Variants in WDTC1 observed in about 807,000 individuals in gnomAD.
WDTC1 encodes the protein WD and tetratricopeptide repeats 1, also known as WD and tetratricopeptide repeats protein 1.
A neutral mutation model predicts 76.0 loss-of-function variants in WDTC1; 12 were observed. That is an observed-to-expected ratio of 0.16 (90% CI 0.10 to 0.26). WDTC1 has a LOEUF of 0.26. Ranked by LOEUF, WDTC1 falls within the 10% of genes least tolerant of loss-of-function variation. WDTC1 has a pLI of 1.00. For missense variants in WDTC1, 511 were observed against 908.8 expected (o/e 0.56, Z 5.63); for synonymous variants, 326 against 350.8 (o/e 0.93, Z 0.79).
intron 1 of WDTC1, among the ~76,000 whole-genome samples, chr1:27,256,954 C>T (rs994703293): frequency 2.6e-5 from 4 of 152,180 alleles, no homozygotes; most frequent in African/African-American, 4.8e-5. Context: ...CTCCGTCTCC[C>T]GGATTCACTG....
intron 1 of WDTC1, among the ~76,000 whole-genome samples, chr1:27,245,901 G>A (rs891676500): frequency 6.6e-6 from 1 of 151,696 alleles, no homozygotes; most frequent in Non-Finnish European, 1.5e-5. Context: ...CATGTCCAGA[G>A]GAAAGAGAAT....
At chr1:27,263,079 G>A in intron 2 of WDTC1, 73 bp from the exon 3 acceptor site, 1 of 1,529,832 alleles carries the variant, frequency 6.5e-7, no homozygotes, top group South Asian at 1.1e-5. Flanking sequence ...GAAAGAGCTG[G>A]ATATATAATA....
rs1013329522 is a variant in WDTC1 at position 27,274,151 on chromosome 1, TGTG to T, written c.133-8081_133-8079del. Among the ~76,000 whole-genome samples, 2 of 144,850 alleles carry T rather than the reference TGTG, an allele frequency of 1.4e-5. No homozygotes were observed. The highest frequency in any genetic ancestry group is 3.0e-5 in the Non-Finnish European group (2 of 66,034). On this transcript the variant is annotated intron_variant, in intron 3 of 15. Transcript: ENST00000319394. This position sits in a 1 kb window ranked among gnomAD's most constrained non-coding sequence, Gnocchi z 4.2. ...CAAAAAAATACAAAAATTAACCAGG[TGTG>T]GTGGTGTGTGCTTGTACTCCCAGCT...
Position 27,306,451 on chromosome 1 carries a change from G to T in WDTC1, c.*68G>T. 1 of 1,531,594 alleles carries T rather than the reference G, an allele frequency of 6.5e-7. No homozygotes were observed. Among genetic ancestry groups the T allele is most frequent in the Non-Finnish European group, 8.8e-7 (1 of 1,141,680 alleles). 94.9% of individuals were successfully genotyped at this position (1,531,594 alleles called of 1,614,324 possible). A position where few individuals can be genotyped will look rare whatever the true frequency, so the allele number is the denominator to read the frequency against. On this transcript the variant is annotated 3_prime_UTR_variant, in exon 16 of 16. Coordinates refer to ENST00000319394, the MANE Select transcript of WDTC1 (RefSeq NM_001276252.2). The surrounding 1 kb of genome is among the most constrained non-coding windows in gnomAD (Gnocchi z 5.0). ...CTCTGCCCTGGGCAGGAGGTCAGGG[G>T]ATTCTGTTTTGGTTTGTCTTCCCCA...
At chr1:27,266,826 G>A (rs1458020140) in intron 3 of WDTC1, among the ~76,000 whole-genome samples, 1 of 152,194 alleles carries the variant, frequency 6.6e-6, no homozygotes, top group African/African-American at 2.4e-5. Context: ...CTGCCTTTTG[G>A]TGGTTACTGG....
chr1:27,260,901 C>T (rs2012457240), intron 1 of WDTC1, 55 bp from the exon 2 acceptor site: 1 of 839,872 alleles, frequency 1.2e-6, no homozygotes, highest in African/African-American at 1.7e-5. Flanking sequence ...GGAATTAGGT[C>T]TTGGGAGTCA....
At chr1:27,263,412 C>T (rs1044533731) in intron 3 of WDTC1, among the ~76,000 whole-genome samples, 177 bp downstream of exon 3, 7 of 152,104 alleles carry the variant, frequency 4.6e-5, no homozygotes, top group African/African-American at 1.7e-4. Context: ...TTGACATAGT[C>T]ACATATAAAT....
At chr1:27,239,980 C>T (rs933487546) in intron 1 of WDTC1, among the ~76,000 whole-genome samples, 1 of 151,844 alleles carries the variant, frequency 6.6e-6, no homozygotes, top group Admixed American at 6.6e-5. Context: ...CCTCCGCCTC[C>T]TAGGTTCAAG....
intron 14 of WDTC1, chr1:27,304,060 A>C: frequency 2.5e-6 from 1 of 405,052 alleles, no homozygotes; most frequent in Non-Finnish European, 4.4e-6. Flanking sequence ...CTACTCCTTC[A>C]TCCCCCACCT....
At chr1:27,234,573 AC>A (rs1178869476), upstream of WDTC1, 4 of 387,004 alleles carry the variant, frequency 1.0e-5, no homozygotes, top group Non-Finnish European at 1.8e-5. Context: ...TTCGTAGCGT[AC>A]CCGCCGGCTG....
rs969734588 is a variant in WDTC1 at position 27,301,033 on chromosome 1, C to T, written c.1233-193C>T. Among the ~76,000 whole-genome samples the T allele has an allele frequency of 2.6e-5, 4 of 152,168 alleles. No individual in the cohort carries two copies. Among genetic ancestry groups the T allele is most frequent in the Admixed American group, 2.6e-4 (4 of 15,282 alleles). On this transcript the variant is annotated intron_variant, in intron 12 of 15. Coordinates refer to ENST00000319394, the MANE Select transcript of WDTC1 (RefSeq NM_001276252.2). This position sits in a 1 kb window ranked among gnomAD's most constrained non-coding sequence, Gnocchi z 5.8. ...CAAGACCTCAGGGTTTCCTGGCTTGCTCCTTAACCATACTCTGTCTCCTGA... is the reference window on the plus strand; with the variant it reads ...CAAGACCTCAGGGTTTCCTGGCTTGTTCCTTAACCATACTCTGTCTCCTGA...
At chr1:27,286,664 G>A (rs1337293694) in intron 5 of WDTC1, among the ~76,000 whole-genome samples, 7 of 150,754 alleles carry the variant, frequency 4.6e-5, no homozygotes, top group African/African-American at 1.5e-4. Context: ...GGGTTTCACC[G>A]TGTTAGCCAG....
Position 27,234,882 on chromosome 1 carries a change from G to C in WDTC1, c.-169G>C, listed in dbSNP as rs532688142. Reference sequence around the variant, plus strand: ...CCGCGCCCCCCTTCCCGGGAGAGGGGCCGCCCCCCCCGGACGGACATGGGC... The same window carrying C: ...CCGCGCCCCCCTTCCCGGGAGAGGGCCCGCCCCCCCCGGACGGACATGGGC... On this transcript the variant is annotated 5_prime_UTR_variant, in exon 1 of 16. Coordinates refer to ENST00000319394, the MANE Select transcript of WDTC1 (RefSeq NM_001276252.2). The C allele has an allele frequency of 7.0e-4, 276 of 395,798 alleles. 2 individuals are homozygous for C. The highest frequency in any genetic ancestry group is 5.1e-3 in the African/African-American group (245 of 48,424). The allele number at this position is 395,798 out of a possible 1,614,324, so 24.5% of individuals were successfully genotyped here.
At chr1:27,236,120 T>C (rs2011486549) in intron 1 of WDTC1, among the ~76,000 whole-genome samples, 1 of 152,226 alleles carries the variant, frequency 6.6e-6, no homozygotes, top group Non-Finnish European at 1.5e-5. Context: ...CAGCTTCTGC[T>C]CACTGTACTG....
At chr1:27,296,906 C>T in intron 10 of WDTC1, 142 bp from the exon 11 acceptor site, 1 of 647,458 alleles carries the variant, frequency 1.5e-6, no homozygotes, top group Admixed American at 2.5e-5. Context: ...TCAGAACTTG[C>T]TTTCTGGGAA....
intron 1 of WDTC1, among the ~76,000 whole-genome samples, chr1:27,254,559 C>T (rs1163729610): frequency 6.6e-6 from 1 of 152,078 alleles, no homozygotes; most frequent in Middle Eastern, 3.4e-3. Flanking sequence ...CGCGCCACTG[C>T]ACTCCAGCCT....
At chr1:27,272,582 TG>T (rs1256626542) in intron 3 of WDTC1, among the ~76,000 whole-genome samples, 1 of 152,198 alleles carries the variant, frequency 6.6e-6, no homozygotes, top group Non-Finnish European at 1.5e-5. Context: ...GAGTTCTCAC[TG>T]TAGAAGGGAA....
chr1:27,261,119 T>G lies in WDTC1; in HGVS notation c.48+17T>G, dbSNP rs2012465053. 6.2e-7 allele frequency: 1 copy of G among 1,613,698 alleles called. No homozygotes were observed. Among genetic ancestry groups the G allele is most frequent in the Admixed American group, 1.7e-5 (1 of 59,956 alleles). ...CAGATCAAGGTAAGCAGCCCAGACTTCTGCACCAGATCATGAGATCTTTTC... is the reference window on the plus strand; with the variant it reads ...CAGATCAAGGTAAGCAGCCCAGACTGCTGCACCAGATCATGAGATCTTTTC... On this transcript the variant is annotated intron_variant, in intron 2 of 15. Coordinates refer to ENST00000319394, the MANE Select transcript of WDTC1 (RefSeq NM_001276252.2).
upstream of WDTC1, chr1:27,234,510 G>T (rs1051188977): frequency 5.7e-6 from 2 of 353,976 alleles, no homozygotes; most frequent in African/African-American, 2.1e-5. Context: ...CCGGGCGCGG[G>T]GGGGTAAGTG....
Sources: allele counts gnomAD v4.1 joint callset (sites outside exome capture counted in the v4.1 genomes callset), GRCh38; gene constraint gnomAD v4.1.1; non-coding constraint Gnocchi (gnomAD v3.1); transcripts MANE v1.5; gene names NCBI Gene and HGNC (gene_info 2026-07-23, HGNC 2026-07-21).